The following ELK3 variants were observed in gnomAD, a reference collection of about 807,000 sequenced individuals.
The protein encoded by ELK3 is ETS transcription factor ELK3.
In ELK3, 10 loss-of-function variants were observed where a neutral mutation model predicts 28.9. The ratio of observed to expected loss-of-function variants is 0.35; its 90% CI spans 0.21 to 0.59. ELK3 has a LOEUF of 0.59. ELK3 is among the 20% of genes least tolerant of loss of function. The pLI is 0.82. For missense variants in ELK3, 463 were observed against 517.3 expected (o/e 0.90, Z 1.02); for synonymous variants, 272 against 243.5 (o/e 1.12, Z -1.09).
chr12:96,263,073 C>G (rs1306928956), intron 4 of ELK3, among the ~76,000 whole-genome samples: 1 of 152,114 alleles, frequency 6.6e-6, no homozygotes, highest in Non-Finnish European at 1.5e-5. Context: ...TTAAATGATG[C>G]TGGCAAGTTT....
Position 96,236,537 on chromosome 12 carries a change from G to T in ELK3, c.208-10403G>T, listed in dbSNP as rs545869473. Among the ~76,000 whole-genome samples, 3 of 152,328 alleles carry T rather than the reference G, an allele frequency of 2.0e-5. No individual in the cohort carries two copies. In the East Asian group the frequency reaches 5.8e-4, roughly 29 times the overall value. On this transcript the variant is annotated intron_variant, in intron 2 of 4. Coordinates refer to ENST00000228741, the MANE Select transcript of ELK3 (RefSeq NM_005230.4). ...GTTCAGAGACAGAGTTCCAGCCTTTGTTGGCAGCACGTCATTCTTAGAAGT... is the reference window on the plus strand; with the variant it reads ...GTTCAGAGACAGAGTTCCAGCCTTTTTTGGCAGCACGTCATTCTTAGAAGT...
chr12:96,252,662 C>A (rs1051117073), intron 3 of ELK3, among the ~76,000 whole-genome samples: 1 of 152,110 alleles, frequency 6.6e-6, no homozygotes, highest in Non-Finnish European at 1.5e-5. Context: ...AGAAGTGGAG[C>A]CTGGAGATGC....
intron 2 of ELK3, among the ~76,000 whole-genome samples, chr12:96,234,231 G>A (rs1015456498): frequency 1.3e-5 from 2 of 152,200 alleles, no homozygotes; most frequent in African/African-American, 4.8e-5. Context: ...TAGGGCAGTT[G>A]CTAAGAAACA....
chr12:96,256,046 G>A (rs1324910709), intron 3 of ELK3, among the ~76,000 whole-genome samples: 1 of 152,182 alleles, frequency 6.6e-6, no homozygotes, highest in East Asian at 1.9e-4. Flanking sequence ...TTCTGAAATG[G>A]TGACTGAATG....
chr12:96,202,495 T>C (rs1951513616), intron 1 of ELK3, among the ~76,000 whole-genome samples: 3 of 145,716 alleles, frequency 2.1e-5, no homozygotes, highest in Non-Finnish European at 4.5e-5. Flanking sequence ...AGTCATCTGC[T>C]CCTGGCCTTC....
intron 1 of ELK3, among the ~76,000 whole-genome samples, chr12:96,222,626 G>A (rs908699717): frequency 3.3e-5 from 5 of 152,096 alleles, no homozygotes; most frequent in African/African-American, 4.8e-5. Context: ...TCCTTTCCTC[G>A]TGAAGCTCAT....
Position 96,235,728 on chromosome 12 carries a change from C to T in ELK3, c.208-11212C>T, listed in dbSNP as rs185522638. On this transcript the variant is annotated intron_variant, in intron 2 of 4. Transcript: ENST00000228741. The stretch of plus-strand genomic sequence containing the variant: ...GCCATCTGCCAGCGCTGGAGGTGGC[C>T]GCTCAACACAGGAAGGTCAAGGTCA... 9.2e-5 allele frequency among the ~76,000 whole-genome samples: 14 copies of T among 152,242 alleles called. No homozygotes were observed. The East Asian group carries it at 1.5e-3, about 17-fold the overall frequency.
intron 2 of ELK3, among the ~76,000 whole-genome samples, chr12:96,244,204 A>G (rs892799218): frequency 3.1e-4 from 47 of 152,116 alleles, no homozygotes; most frequent in Non-Finnish European, 4.0e-4. Context: ...ATTCCATTGT[A>G]AGGACACCCC....
intron 1 of ELK3, among the ~76,000 whole-genome samples, chr12:96,209,631 A>G (rs558737627): frequency 1.4e-4 from 22 of 152,306 alleles, no homozygotes; most frequent in African/African-American, 4.8e-4. Context: ...ACACCATCTT[A>G]AAGTAAGTAA....
At chr12:96,220,022 T>G (rs1396990568) in intron 1 of ELK3, among the ~76,000 whole-genome samples, 1 of 151,872 alleles carries the variant, frequency 6.6e-6, no homozygotes, top group Non-Finnish European at 1.5e-5. Flanking sequence ...CCCCTCTGAG[T>G]AATCCTCTGA....
intron 1 of ELK3, among the ~76,000 whole-genome samples, chr12:96,210,597 A>ACCCCCCCCCCC (rs1555193042): frequency 3.4e-5 from 5 of 148,956 alleles, no homozygotes; most frequent in Non-Finnish European, 7.5e-5. Flanking sequence ...ACACACACAC[A>ACCCCCCCCCCC]CCCCGAGTGG....
chr12:96,242,261 T>A (rs755635651), intron 2 of ELK3, among the ~76,000 whole-genome samples: 7 of 152,192 alleles, frequency 4.6e-5, no homozygotes, highest in Non-Finnish European at 8.8e-5. Context: ...AGCCAAGACC[T>A]CAGGAGTCAG....
chr12:96,254,077 A>G (rs1951927929), intron 3 of ELK3, among the ~76,000 whole-genome samples: 1 of 152,226 alleles, frequency 6.6e-6, no homozygotes, highest in Admixed American at 6.5e-5. Context: ...TGTAATCCCA[A>G]TATTTAGGGA....
At chr12:96,215,085 C>T (rs944347059) in intron 1 of ELK3, among the ~76,000 whole-genome samples, 8 of 151,296 alleles carry the variant, frequency 5.3e-5, no homozygotes, top group African/African-American at 1.9e-4. Flanking sequence ...AGTTTTTCTC[C>T]TTTTCTTGGG....
chr12:96,211,479 T>TTGTGTGG (rs1344674424), intron 1 of ELK3, among the ~76,000 whole-genome samples: 3 of 30,150 alleles, frequency 1.0e-4, no homozygotes, highest in African/African-American at 6.4e-4. Flanking sequence ...GGGGATGTCA[T>TTGTGTGG]TGTGTGTTTG....
At position 96,223,716 on chromosome 12, in the gene ELK3, CA is replaced by C; in HGVS notation, c.154del (p.Thr52GlnfsTer3). 6.2e-7 allele frequency: 1 copy of C among 1,614,110 alleles called. No individual in the cohort carries two copies. The highest frequency in any genetic ancestry group is 2.2e-5 in the East Asian group (1 of 44,878). On this transcript the variant is annotated frameshift_variant, in exon 2 of 5. Coordinates refer to ENST00000228741, the MANE Select transcript of ELK3 (RefSeq NM_005230.4). LOFTEE classifies it high-confidence loss of function. ...CCAAGCTGTGGGGACTCCGAAAAAA[CA>C]AAACAAATATGAACTATGATAAGCT... ...VAKLWGLRKN[K>X]TNMNYDKLSR...
At chr12:96,239,859 T>C (rs1712054127) in intron 2 of ELK3, among the ~76,000 whole-genome samples, 1 of 152,240 alleles carries the variant, frequency 6.6e-6, no homozygotes, top group South Asian at 2.1e-4. Context: ...GCAGTTGAGA[T>C]GAGCTGGGTG....
At chr12:96,227,858 T>C (rs1180422152) in intron 2 of ELK3, among the ~76,000 whole-genome samples, 1 of 152,194 alleles carries the variant, frequency 6.6e-6, no homozygotes, top group Non-Finnish European at 1.5e-5. Context: ...TAGTAGAGTC[T>C]ACACTGTGGG....
chr12:96,223,650 G>T lies in ELK3; in HGVS notation c.84G>T (p.Ser28=), dbSNP rs138151504. The part of the protein sequence containing the change: ...QKHEHLICWT[S]NDGEFKLLKA... ...ATGAGCATTTGATCTGCTGGACCTC[G>T]AACGATGGTGAATTCAAGCTCCTCA... Residue 28 remains serine, a synonymous_variant, in exon 2 of 5, where the codon TCG becomes TCT. Transcript: ENST00000228741. 9.3e-6 allele frequency: 15 copies of T among 1,614,144 alleles called. No homozygotes were observed. The highest frequency in any genetic ancestry group is 1.2e-5 in the Non-Finnish European group (14 of 1,180,030).
Sources: gnomAD v4.1 joint callset for allele counts (sites outside exome capture counted in the v4.1 genomes callset) on GRCh38, gnomAD v4.1.1 for gene constraint, MANE v1.5 for transcripts, NCBI Gene and HGNC (gene_info 2026-07-23, HGNC 2026-07-21) for gene names.